Variants in C6 observed in about 807,000 individuals in gnomAD.
C6 encodes the protein complement C6.
Under a neutral mutation model 112.9 loss-of-function variants are expected in C6, and 101 were observed. The ratio of observed to expected loss-of-function variants is 0.89; its 90% CI spans 0.76 to 1.06. The LOEUF (loss-of-function observed/expected upper bound fraction) is 1.06, where lower values mean the gene tolerates loss of function less well. C6 is among the 50% of genes least tolerant of loss of function. C6 has a pLI of 0.00. For synonymous variants in C6, 431 were observed against 384.1 expected (o/e 1.12, Z -1.43); for missense variants, 1,202 against 1,104.6 (o/e 1.09, Z -1.25).
chr5:41,222,429 TA>T (rs1739231901), intron 1 of C6, among the ~76,000 whole-genome samples: 2 of 152,024 alleles, frequency 1.3e-5, no homozygotes, highest in Non-Finnish European at 2.9e-5. Flanking sequence ...AAAAGTTTTA[TA>T]TTTTTTATTT....
At chr5:41,225,048 G>T (rs1339955444) in intron 1 of C6, among the ~76,000 whole-genome samples, 2 of 152,090 alleles carry the variant, frequency 1.3e-5, no homozygotes, top group African/African-American at 2.4e-5. Flanking sequence ...TTTGAGAAAT[G>T]TCTATTCAAA....
chr5:41,231,838 A>T (rs1739921801), intron 1 of C6, among the ~76,000 whole-genome samples: 1 of 151,838 alleles, frequency 6.6e-6, no homozygotes, highest in Admixed American at 6.6e-5. Flanking sequence ...CATGTTCCTA[A>T]TTAATAATTT....
chr5:41,206,788 T>G, intron 1 of C6, among the ~76,000 whole-genome samples: 1 of 152,066 alleles, frequency 6.6e-6, no homozygotes, highest in Non-Finnish European at 1.5e-5. Flanking sequence ...TGGAACCGAG[T>G]TGGAAAACAC....
At chr5:41,189,033 A>G (rs907688036) in intron 5 of C6, among the ~76,000 whole-genome samples, 4 of 152,080 alleles carry the variant, frequency 2.6e-5, no homozygotes, top group Non-Finnish European at 5.9e-5. Flanking sequence ...AAAATGCTCA[A>G]AGTTATTAGT....
At position 41,241,666 on chromosome 5, in the gene C6, G is replaced by A. The variant is rs147736990; in HGVS notation, c.-21+19528C>T. 1.2e-4 allele frequency among the ~76,000 whole-genome samples: 19 copies of A among 152,154 alleles called. No homozygotes were observed. The East Asian group carries it at 2.5e-3, about 20-fold the overall frequency. ...TCCACAAGCTCAGTGTGCTATATGG[G>A]GTGACAAAAAATTGTGAGAAAATTC... On this transcript the variant is annotated intron_variant, in intron 1 of 17. Transcript: ENST00000263413.
intron 6 of C6, 147 bp downstream of exon 6, chr5:41,185,923 A>G (rs932745683): frequency 7.1e-6 from 7 of 982,698 alleles, no homozygotes; most frequent in African/African-American, 4.8e-5. Context: ...TTGTGTGTGC[A>G]TGGATAAAAT....
chr5:41,242,695 A>T (rs1229158645), intron 1 of C6, among the ~76,000 whole-genome samples: 1 of 152,072 alleles, frequency 6.6e-6, no homozygotes, highest in Non-Finnish European at 1.5e-5. Flanking sequence ...CAATTCTCTC[A>T]TGTTTGCAAT....
intron 4 of C6, among the ~76,000 whole-genome samples, chr5:41,197,282 A>G (rs77245321): frequency 0.012 from 1,902 of 152,214 alleles, 43 homozygotes; most frequent in African/African-American, 0.044. Flanking sequence ...CGAGCACTAT[A>G]ATCACACAGG....
intron 1 of C6, among the ~76,000 whole-genome samples, chr5:41,224,802 T>G (rs924814013): frequency 3.3e-5 from 5 of 152,174 alleles, no homozygotes; most frequent in Admixed American, 6.6e-5. Flanking sequence ...TAGCTCTATC[T>G]TTAACATTTT....
At chr5:41,158,103 G>GT (rs1747090719) in intron 13 of C6, among the ~76,000 whole-genome samples, 1 of 152,030 alleles carries the variant, frequency 6.6e-6, no homozygotes, top group Non-Finnish European at 1.5e-5. Flanking sequence ...TAGATATCAT[G>GT]TATCACCTGT....
chr5:41,204,224 CTATCTATAAAATAAGAGTAA>C (rs1751250374), intron 1 of C6, among the ~76,000 whole-genome samples: 1 of 152,184 alleles, frequency 6.6e-6, no homozygotes, highest in Admixed American at 6.5e-5. Flanking sequence ...CTCAGTTTCA[CTATCTATAAAATAAGAGTAA>C]TACCTACCTC....
intron 7 of C6, among the ~76,000 whole-genome samples, chr5:41,180,188 C>A (rs541508424): frequency 2.2e-4 from 33 of 152,184 alleles, no homozygotes; most frequent in African/African-American, 7.5e-4. Flanking sequence ...AGTAGAAGAG[C>A]AATACGATAA....
intron 1 of C6, among the ~76,000 whole-genome samples, chr5:41,241,393 CT>C (rs1740703638): frequency 6.6e-6 from 1 of 152,138 alleles, no homozygotes; most frequent in Non-Finnish European, 1.5e-5. Context: ...GCTTCATTCT[CT>C]TTACCAGGGT....
At chr5:41,197,786 A>T (rs1291302869) in intron 4 of C6, among the ~76,000 whole-genome samples, 1 of 152,200 alleles carries the variant, frequency 6.6e-6, no homozygotes, top group African/African-American at 2.4e-5. Context: ...CCAGGTCATA[A>T]AAACTCTATG....
chr5:41,192,362 T>G (rs1750282783), intron 5 of C6, among the ~76,000 whole-genome samples: 1 of 152,148 alleles, frequency 6.6e-6, no homozygotes, highest in African/African-American at 2.4e-5. Context: ...TGTTGCATCT[T>G]TATCTGGTTT....
intron 1 of C6, among the ~76,000 whole-genome samples, chr5:41,204,780 C>T (rs1235413235): frequency 6.6e-6 from 1 of 150,846 alleles, no homozygotes; most frequent in Non-Finnish European, 1.5e-5. Context: ...TGCCATTCTC[C>T]TGCCTCAGCC....
intron 1 of C6, among the ~76,000 whole-genome samples, chr5:41,207,164 A>G (rs1194385383): frequency 6.6e-6 from 1 of 152,238 alleles, no homozygotes; most frequent in Non-Finnish European, 1.5e-5. Flanking sequence ...TACTTTACAG[A>G]CAAGGAAATG....
chr5:41,234,363 TG>T (rs1223007959), intron 1 of C6, among the ~76,000 whole-genome samples: 59 of 139,376 alleles, frequency 4.2e-4, no homozygotes, highest in African/African-American at 7.9e-4. Flanking sequence ...TTTTGTTTTT[TG>T]TTTTTTTTTT....
rs781737807 is a variant in C6 at position 41,149,954 on chromosome 5, A to G, written c.2362T>C (p.Ser788Pro). Residue 788 changes from serine to proline, a missense_variant, in exon 16 of 18, where the codon TCT (serine) becomes CCT (proline). Ser to Pro is a moderately conservative substitution (Grantham distance 74). Transcript: ENST00000337836. ...TCTTACCTACAGTCTTCTTCTGGAG[A>G]CATACAAATGCATTCAGATCCTGAT... ...KQSGSECICM[S>P]PEEDCSHHSE... 6.2e-7 allele frequency: 1 copy of G among 1,611,588 alleles called. No individual in the cohort carries two copies. The highest frequency in any genetic ancestry group is 1.1e-5 in the South Asian group (1 of 91,054).
Sources: gnomAD v4.1 joint callset for allele counts (sites outside exome capture counted in the v4.1 genomes callset) on GRCh38, gnomAD v4.1.1 for gene constraint, MANE v1.5 for transcripts, NCBI Gene and HGNC (gene_info 2026-07-23, HGNC 2026-07-21) for gene names.